SMOC1: variants seen among roughly 807,000 people sequenced by gnomAD.
SMOC1 encodes SPARC-related modular calcium-binding protein 1.
Under a neutral mutation model 56.3 loss-of-function variants are expected in SMOC1, and 22 were observed. The ratio of observed to expected loss-of-function variants is 0.39; its 90% confidence interval spans 0.28 to 0.56. SMOC1 has a LOEUF of 0.56. SMOC1 is among the 20% of genes least tolerant of loss of function. The pLI, the probability that SMOC1 is intolerant of heterozygous loss-of-function variation, is 0.61. For synonymous variants in SMOC1, 193 were observed against 215.0 expected, an observed-to-expected ratio of 0.90 and a Z score of 0.89; for missense variants, 509 against 565.4, an observed-to-expected ratio of 0.90 and a Z score of 1.01.
At chr14:69,889,217 T>G (rs1169530294) in intron 1 of SMOC1, among the ~76,000 whole-genome samples, 5 of 152,220 alleles carry the variant, frequency 3.3e-5, no homozygotes, top group Non-Finnish European at 1.5e-5. Context: ...TACCCCCATG[T>G]GCCCTAGACC....
At chr14:69,888,015 C>G (rs1883856936) in intron 1 of SMOC1, among the ~76,000 whole-genome samples, 2 of 152,254 alleles carry the variant, frequency 1.3e-5, no homozygotes, top group South Asian at 4.1e-4. Context: ...CTCTCTGGGC[C>G]ACATAGAGAT....
intron 1 of SMOC1, among the ~76,000 whole-genome samples, chr14:69,880,958 C>T (rs1027137048): frequency 6.6e-6 from 1 of 152,242 alleles, no homozygotes; most frequent in Admixed American, 6.5e-5. Flanking sequence ...GGGTTGATTA[C>T]ATCCAAGCCC....
At chr14:69,930,277 C>T (rs149027663) in intron 1 of SMOC1, among the ~76,000 whole-genome samples, 2,418 of 152,218 alleles carry the variant, frequency 0.016, 26 homozygotes, top group Non-Finnish European at 0.026. Flanking sequence ...CCTCACTGCC[C>T]ATCCCACCAC....
At chr14:69,937,670 C>T (rs1335367618) in intron 1 of SMOC1, among the ~76,000 whole-genome samples, 4 of 152,140 alleles carry the variant, frequency 2.6e-5, no homozygotes, top group Non-Finnish European at 2.9e-5. Context: ...ACAGCACCAG[C>T]GCCACCGCCA....
chr14:69,887,552 G>A (rs1415711407), intron 1 of SMOC1, among the ~76,000 whole-genome samples: 1 of 152,220 alleles, frequency 6.6e-6, no homozygotes, highest in African/African-American at 2.4e-5. Flanking sequence ...TTCTTTGCAT[G>A]TGAGGTCAAA....
chr14:69,990,743 C>G (rs1884535193), intron 5 of SMOC1, among the ~76,000 whole-genome samples: 1 of 152,210 alleles, frequency 6.6e-6, no homozygotes, highest in Admixed American at 6.5e-5. Flanking sequence ...CAGTTTGAGG[C>G]AAATAGTATA....
At chr14:69,913,135 G>A (rs1164505321) in intron 1 of SMOC1, among the ~76,000 whole-genome samples, 2 of 152,166 alleles carry the variant, frequency 1.3e-5, no homozygotes, top group East Asian at 3.9e-4. Context: ...GCTCTGCATG[G>A]CTTCAAAGCC....
In SMOC1 at chr14:69,928,618, G is replaced by C. The variant is rs776028293; in HGVS notation, c.100-23520G>C. ...GCACTACTTTAGAGGTGCTCATTGG[G>C]GGGGGGGTCCCTTTTCTGCTTCCCA... On this transcript the variant is annotated intron_variant, in intron 1 of 11. Coordinates refer to ENST00000361956, the MANE Select transcript of SMOC1 (RefSeq NM_001034852.3). Among the ~76,000 whole-genome samples the C allele has an allele frequency of 9.7e-3, 1,462 of 150,704 alleles. 21 individuals are homozygous for C. The highest frequency in any genetic ancestry group is 0.033 in the African/African-American group (1,336 of 40,596).
intron 3 of SMOC1, among the ~76,000 whole-genome samples, chr14:69,966,490 A>G (rs1048581743): frequency 6.6e-6 from 1 of 152,218 alleles, no homozygotes; most frequent in Non-Finnish European, 1.5e-5. Flanking sequence ...CTTCAGGAGC[A>G]AAAGTTCACC....
intron 11 of SMOC1, 135 bp downstream of exon 11, chr14:70,023,582 C>G: frequency 7.7e-7 from 1 of 1,301,196 alleles, no homozygotes. Flanking sequence ...TGCTATGCTT[C>G]ATGCTAGATG....
At chr14:69,989,290 A>G (rs1336001734) in intron 5 of SMOC1, among the ~76,000 whole-genome samples, 16 of 152,178 alleles carry the variant, frequency 1.1e-4, no homozygotes, top group Admixed American at 2.0e-4. Context: ...ATGATTAACA[A>G]TGTTGGATAT....
chr14:69,999,646 G>A (rs1353026458), intron 7 of SMOC1, among the ~76,000 whole-genome samples: 1 of 152,192 alleles, frequency 6.6e-6, no homozygotes, highest in African/African-American at 2.4e-5. Context: ...ATCATGGCCA[G>A]TAGAATTGAG....
chr14:69,879,907 C>T, intron 1 of SMOC1, 130 bp downstream of exon 1: 1 of 783,584 alleles, frequency 1.3e-6, no homozygotes, highest in South Asian at 2.1e-5. Context: ...CTACCAGGTC[C>T]CCTGCGGGCT....
intron 1 of SMOC1, among the ~76,000 whole-genome samples, chr14:69,896,177 T>C (rs1884094569): frequency 6.6e-6 from 1 of 152,228 alleles, no homozygotes; most frequent in Non-Finnish European, 1.5e-5. Context: ...TAAAGCCGCA[T>C]CTACTTTGTG....
rs1376933844 is a variant in SMOC1 at position 69,879,547 on chromosome 14, C to T, written c.-132C>T. 4 of 623,734 alleles carry T rather than the reference C, an allele frequency of 6.4e-6. No homozygotes were observed. The East Asian group carries it at 1.1e-4, about 17-fold the overall frequency. 38.6% of individuals were successfully genotyped at this position (623,734 alleles called of 1,614,324 possible). ...CCCCTGACCGCAGCCTCTGCGAGCC[C>T]CCGCCGCAGGACCACGGCCCGCTCC... On this transcript the variant is annotated 5_prime_UTR_variant, in exon 1 of 12. Coordinates refer to ENST00000361956, the MANE Select transcript of SMOC1 (RefSeq NM_001034852.3).
intron 1 of SMOC1, among the ~76,000 whole-genome samples, chr14:69,930,147 C>T (rs1885121276): frequency 6.6e-6 from 1 of 152,048 alleles, no homozygotes; most frequent in African/African-American, 2.4e-5. Flanking sequence ...GCCCTCACCC[C>T]TTTCATCCCC....
intron 5 of SMOC1, among the ~76,000 whole-genome samples, chr14:69,992,032 C>G (rs1035080826): frequency 6.6e-6 from 1 of 152,098 alleles, no homozygotes; most frequent in Admixed American, 6.6e-5. Flanking sequence ...GGATTGCCAA[C>G]CTTATGCTAA....
chr14:69,937,979 C>T (rs549612054), intron 1 of SMOC1, among the ~76,000 whole-genome samples: 23 of 152,174 alleles, frequency 1.5e-4, no homozygotes, highest in Non-Finnish European at 2.8e-4. Context: ...CAGCTTCATT[C>T]CCAGGGCTTA....
chr14:70,014,526 G>A (rs1376371497), intron 10 of SMOC1, among the ~76,000 whole-genome samples: 1 of 152,216 alleles, frequency 6.6e-6, no homozygotes, highest in East Asian at 1.9e-4. Flanking sequence ...AGGCGGAGGA[G>A]GAGGAAGCAG....
Sources: gnomAD v4.1 joint callset for allele counts (sites outside exome capture counted in the v4.1 genomes callset) on GRCh38, gnomAD v4.1.1 for gene constraint, MANE v1.5 for transcripts, NCBI Gene and HGNC (gene_info 2026-07-23, HGNC 2026-07-21) for gene names.